Variants in FAM167A observed in about 807,000 individuals in gnomAD.
The protein encoded by FAM167A is protein FAM167A.
FAM167A carries 23 observed loss-of-function variants against 14.9 expected under a neutral mutation model. The observed-to-expected ratio is 1.55, with a 90% CI of 1.11 to 2.19. The LOEUF (loss-of-function observed/expected upper bound fraction) is 2.19. Ranked by LOEUF, FAM167A falls within the 30% of genes most tolerant of loss-of-function variation. The probability of loss-of-function intolerance (pLI) is 0.00; values close to 1 mark genes in which losing one functional copy is unlikely to be tolerated. For missense variants in FAM167A, 401 were observed against 281.5 expected (o/e 1.42, Z -3.04); for synonymous variants, 174 against 117.7 (o/e 1.48, Z -3.10).
chr8:11,450,810 G>A (rs910176643), intron 1 of FAM167A, among the ~76,000 whole-genome samples: 3 of 152,190 alleles, frequency 2.0e-5, no homozygotes, highest in Non-Finnish European at 4.4e-5. Context: ...GGCTTCCTGG[G>A]ATGGTGCCTC....
intron 2 of FAM167A, among the ~76,000 whole-genome samples, chr8:11,439,777 T>C (rs1286416574): frequency 6.6e-6 from 1 of 152,144 alleles, no homozygotes; most frequent in Non-Finnish European, 1.5e-5. Context: ...GTGGAAGACT[T>C]TATTGCCCCT....
chr8:11,447,402 G>A (rs1292881838), intron 1 of FAM167A, among the ~76,000 whole-genome samples: 1 of 152,126 alleles, frequency 6.6e-6, no homozygotes, highest in African/African-American at 2.4e-5. Flanking sequence ...AGGCTGGTCT[G>A]GAACTGCTGA....
At chr8:11,473,611 G>T (rs1247741932) in intron 1 of FAM167A, among the ~76,000 whole-genome samples, 8 of 152,152 alleles carry the variant, frequency 5.3e-5, no homozygotes. Context: ...TCCTGGCCAG[G>T]GAGGTGGGGA....
At position 11,424,346 on chromosome 8, in the gene FAM167A, A is replaced by G. The variant is rs1804977388; in HGVS notation, c.*27T>C. 1 of 1,611,584 alleles carries G rather than the reference A, an allele frequency of 6.2e-7. No homozygotes were observed. The highest frequency in any genetic ancestry group is 8.5e-7 in the Non-Finnish European group (1 of 1,178,104). On this transcript the variant is annotated 3_prime_UTR_variant, in exon 3 of 3. Coordinates refer to ENST00000284486, the MANE Select transcript of FAM167A (RefSeq NM_053279.3). Reference sequence around the variant, plus strand: ...CCCTCCAGCCCAAGCCCTCCGCTCCAGCCCCTCCGCCCAGTCTGAGGGCTC... The same window carrying G: ...CCCTCCAGCCCAAGCCCTCCGCTCCGGCCCCTCCGCCCAGTCTGAGGGCTC...
At chr8:11,461,945 TTAGGGTTTCC>T (rs1322560180) in intron 1 of FAM167A, among the ~76,000 whole-genome samples, 2 of 152,226 alleles carry the variant, frequency 1.3e-5, no homozygotes, top group African/African-American at 2.4e-5. Context: ...AGAAGGGTCC[TTAGGGTTTCC>T]TGGTGTTTGG....
At chr8:11,468,263 C>T (rs1807850192), upstream of FAM167A, among the ~76,000 whole-genome samples, 1 of 152,234 alleles carries the variant, frequency 6.6e-6, no homozygotes, top group African/African-American at 2.4e-5. Flanking sequence ...CTGCAGGGGC[C>T]TGGCTGGCCT....
At chr8:11,456,724 G>T (rs1055742391) in intron 1 of FAM167A, among the ~76,000 whole-genome samples, 3 of 151,496 alleles carry the variant, frequency 2.0e-5, no homozygotes, top group Non-Finnish European at 2.9e-5. Flanking sequence ...GGTGTGGCTG[G>T]GTAAGAGACA....
intron 1 of FAM167A, among the ~76,000 whole-genome samples, chr8:11,445,744 G>A (rs1159517386): frequency 6.6e-6 from 1 of 152,162 alleles, no homozygotes; most frequent in Non-Finnish European, 1.5e-5. Context: ...GGGGTGGGCA[G>A]TGGACATGGG....
chr8:11,465,168 G>A (rs1321449160), intron 1 of FAM167A, among the ~76,000 whole-genome samples: 1 of 152,170 alleles, frequency 6.6e-6, no homozygotes, highest in African/African-American at 2.4e-5. Flanking sequence ...TGGCTCCACA[G>A]GGTTCCTCAA....
At chr8:11,438,130 G>A in intron 2 of FAM167A, 1 of 456,676 alleles carries the variant, frequency 2.2e-6, no homozygotes. Flanking sequence ...GAGGCCGGTA[G>A]TGCTGAATGG....
rs878997464 is a variant in FAM167A at position 11,422,373 on chromosome 8, G to GGGGT, written c.*1999_*2000insACCC. ...TCTCTGTCGTGTGTGTGTGTGTGGG[G>GGGGT]GTGTGTGTGTGTGTGTGTGTGTGTG... On this transcript the variant is annotated 3_prime_UTR_variant, in exon 3 of 3. Transcript: ENST00000284486. 1.7e-5 allele frequency: 2 copies of GGGGT among 120,196 alleles called. No individual in the cohort carries two copies. Among genetic ancestry groups the GGGGT allele is most frequent in the East Asian group, 4.1e-4 (2 of 4,896 alleles). The allele number at this position is 120,196 out of a possible 1,614,324, so 7.4% of individuals were successfully genotyped here.
At chr8:11,429,495 C>T (rs539243949) in intron 2 of FAM167A, among the ~76,000 whole-genome samples, 8 of 152,304 alleles carry the variant, frequency 5.3e-5, no homozygotes, top group South Asian at 2.1e-4. Context: ...AACACAGCCC[C>T]GGCTGCAGCC....
intron 2 of FAM167A, among the ~76,000 whole-genome samples, chr8:11,437,292 G>A (rs534919575): frequency 1.3e-5 from 2 of 152,164 alleles, no homozygotes; most frequent in Non-Finnish European, 2.9e-5. Flanking sequence ...TGCCTACCCG[G>A]AAAGATTGCT....
intron 1 of FAM167A, among the ~76,000 whole-genome samples, chr8:11,454,134 G>C (rs549388303): frequency 1.3e-5 from 2 of 152,338 alleles, no homozygotes; most frequent in East Asian, 3.9e-4. Context: ...TTGGGGGATG[G>C]GATGTCTTTA....
At chr8:11,437,190 C>A (rs1254611314) in intron 2 of FAM167A, among the ~76,000 whole-genome samples, 2 of 152,152 alleles carry the variant, frequency 1.3e-5, no homozygotes, top group Non-Finnish European at 2.9e-5. Context: ...TGAGGTCGGG[C>A]AGATCTGAGT....
In FAM167A at chr8:11,473,679, G is replaced by A. The variant is rs535114953; in HGVS notation, c.-398+2187C>T. 3.9e-5 allele frequency among the ~76,000 whole-genome samples: 6 copies of A among 152,258 alleles called. No individual in the cohort carries two copies. The South Asian group carries it at 1.2e-3, about 32-fold the overall frequency. Reference sequence around the variant, plus strand: ...CTCTGGGTCTGCCCCTTGCTGTCAGGCTGCTTTGGGCAAATCCCTTAGTCT... The same window carrying A: ...CTCTGGGTCTGCCCCTTGCTGTCAGACTGCTTTGGGCAAATCCCTTAGTCT... On this transcript the variant is annotated intron_variant, in intron 1 of 1. Transcript: ENST00000648766.
intron 2 of FAM167A, among the ~76,000 whole-genome samples, chr8:11,425,373 G>A (rs559171478): frequency 6.6e-6 from 1 of 152,190 alleles, no homozygotes; most frequent in Admixed American, 6.5e-5. Flanking sequence ...GCCGAGCTGG[G>A]ATGAGGAAGC....
intron 2 of FAM167A, among the ~76,000 whole-genome samples, chr8:11,426,753 C>G (rs1805196507): frequency 6.6e-6 from 1 of 152,124 alleles, no homozygotes; most frequent in African/African-American, 2.4e-5. Flanking sequence ...TTTGGTTGAT[C>G]AGTCTTTGAT....
At chr8:11,432,036 G>T (rs1308071671) in intron 2 of FAM167A, among the ~76,000 whole-genome samples, 1 of 152,024 alleles carries the variant, frequency 6.6e-6, no homozygotes, top group African/African-American at 2.4e-5. Flanking sequence ...ATTTGGGAAA[G>T]GCAGCATTTT....
Sources: gnomAD v4.1 joint callset for allele counts (sites outside exome capture counted in the v4.1 genomes callset) on GRCh38, gnomAD v4.1.1 for gene constraint, MANE v1.5 for transcripts, NCBI Gene and HGNC (gene_info 2026-07-23, HGNC 2026-07-21) for gene names.